The following MTCL1 variants were observed in gnomAD, a reference collection of about 807,000 sequenced individuals.
MTCL1 encodes microtubule cross-linking factor 1.
A neutral mutation model predicts 141.4 loss-of-function variants in MTCL1; 79 were observed. That is an observed-to-expected ratio of 0.56 (90% CI 0.47 to 0.67). MTCL1 has a LOEUF of 0.67. Among genes scored for constraint, MTCL1 ranks in the 30% least tolerant of loss-of-function variants. MTCL1 has a pLI of 0.00. For synonymous variants in MTCL1, 914 were observed against 875.8 expected, an observed-to-expected ratio of 1.04 and a Z score of -0.77; for missense variants, 2,177 against 2,113.9, an observed-to-expected ratio of 1.03 and a Z score of -0.59.
chr18:8,717,588 G>A (rs2096137220), intron 1 of MTCL1, among the ~76,000 whole-genome samples: 1 of 152,196 alleles, frequency 6.6e-6, no homozygotes, highest in South Asian at 2.1e-4. Flanking sequence ...GACTGTAGGA[G>A]GATTAGAGGG....
At chr18:8,820,408 C>CA (rs373662926) in intron 13 of MTCL1, among the ~76,000 whole-genome samples, 64 of 143,264 alleles carry the variant, frequency 4.5e-4, no homozygotes, top group Non-Finnish European at 4.8e-4. Flanking sequence ...AGACTCCATC[C>CA]AAAAAAAAAA....
chr18:8,783,408 G>T, intron 5 of MTCL1, 122 bp from the exon 5 acceptor site: 1 of 946,932 alleles, frequency 1.1e-6, no homozygotes, highest in South Asian at 1.8e-5. Context: ...CAGCGGCACC[G>T]ATGGGAAGAT....
intron 11 of MTCL1, among the ~76,000 whole-genome samples, chr18:8,808,265 G>A (rs1195166030): frequency 6.6e-6 from 1 of 152,150 alleles, no homozygotes; most frequent in Non-Finnish European, 1.5e-5. Context: ...AATGACTAAG[G>A]ACAGTCTCTG....
chr18:8,826,307 G>T, intron 15 of MTCL1, 75 bp downstream of exon 14: 1 of 1,319,292 alleles, frequency 7.6e-7, no homozygotes. Flanking sequence ...TGGGACTTGG[G>T]ATTGTGCTCT....
chr18:8,790,832 T>C (rs570000284), intron 7 of MTCL1, among the ~76,000 whole-genome samples: 131 of 152,180 alleles, frequency 8.6e-4, no homozygotes, highest in African/African-American at 3.1e-3. Flanking sequence ...CTGACCAACA[T>C]GGTGAAACCC....
intron 4 of MTCL1, among the ~76,000 whole-genome samples, chr18:8,727,704 A>G (rs2096224782): frequency 1.3e-5 from 2 of 152,216 alleles, no homozygotes; most frequent in South Asian, 4.1e-4. Flanking sequence ...TCTGAACAGA[A>G]TGTAGCTACA....
chr18:8,718,470 G>C, exon 3 of MTCL1: 1 of 1,614,224 alleles, frequency 6.2e-7, no homozygotes, highest in Non-Finnish European at 8.5e-7. Context: ...ATGAGAGACA[G>C]TTATTTAGAG....
exon 6 of MTCL1, chr18:8,784,786 C>G: frequency 1.2e-6 from 2 of 1,613,284 alleles, no homozygotes; most frequent in South Asian, 1.1e-5. Flanking sequence ...CTGTGACTTC[C>G]GTGTCCCGGG....
intron 1 of MTCL1, among the ~76,000 whole-genome samples, chr18:8,708,403 A>G (rs1202463826): frequency 6.6e-6 from 1 of 151,628 alleles, no homozygotes; most frequent in African/African-American, 2.4e-5. Flanking sequence ...GGAGTCTGAT[A>G]CAGTGTATTT....
At chr18:8,726,147 T>C (rs2096209377) in intron 4 of MTCL1, among the ~76,000 whole-genome samples, 1 of 152,122 alleles carries the variant, frequency 6.6e-6, no homozygotes, top group Non-Finnish European at 1.5e-5. Flanking sequence ...TGATGAGTTA[T>C]TCCCTTTATC....
At chr18:8,743,505 C>G (rs1598459140) in intron 4 of MTCL1, among the ~76,000 whole-genome samples, 1 of 152,356 alleles carries the variant, frequency 6.6e-6, no homozygotes, top group East Asian at 1.9e-4. Flanking sequence ...GTTCAGATGT[C>G]TGAAGTGGGC....
intron 4 of MTCL1, among the ~76,000 whole-genome samples, chr18:8,731,301 C>T (rs999297856): frequency 2.6e-5 from 4 of 151,622 alleles, no homozygotes; most frequent in Admixed American, 6.6e-5. Context: ...AGGCTGGGCA[C>T]GATGGTTCAT....
At chr18:8,740,868 T>C (rs1420938647) in intron 4 of MTCL1, among the ~76,000 whole-genome samples, 3 of 152,350 alleles carry the variant, frequency 2.0e-5, no homozygotes, top group South Asian at 2.1e-4. Flanking sequence ...GTATTCCTTG[T>C]GGAATCCACA....
chr18:8,753,835 C>G (rs2096383980), intron 4 of MTCL1, among the ~76,000 whole-genome samples: 1 of 151,864 alleles, frequency 6.6e-6, no homozygotes, highest in Non-Finnish European at 1.5e-5. Flanking sequence ...TGTAAGAGGC[C>G]CATGAAGACT....
At chr18:8,725,233 AAAG>A (rs1478181609) in intron 4 of MTCL1, among the ~76,000 whole-genome samples, 1 of 152,182 alleles carries the variant, frequency 6.6e-6, no homozygotes, top group East Asian at 1.9e-4. Flanking sequence ...AGGTTATTGA[AAAG>A]AGTCCGAGGG....
chr18:8,799,506 G>A (rs1370859429), intron 10 of MTCL1, among the ~76,000 whole-genome samples: 1 of 152,218 alleles, frequency 6.6e-6, no homozygotes, highest in Non-Finnish European at 1.5e-5. Context: ...CAGTGTCCAT[G>A]GGGAGAATTT....
chr18:8,763,412 T>C (rs113792110), intron 4 of MTCL1, among the ~76,000 whole-genome samples: 5,029 of 152,320 alleles, frequency 0.033, 129 homozygotes, highest in Non-Finnish European at 0.052. Context: ...TTTTTTCCAA[T>C]TGGATGCCAG....
At chr18:8,809,205 G>A (rs967858451) in intron 11 of MTCL1, among the ~76,000 whole-genome samples, 1 of 152,156 alleles carries the variant, frequency 6.6e-6, no homozygotes, top group Non-Finnish European at 1.5e-5. Context: ...AATGGATTAG[G>A]AGCCATTAGA....
chr18:8,792,891 G>C, intron 7 of MTCL1, 107 bp from the exon 7 acceptor site: 1 of 1,475,662 alleles, frequency 6.8e-7, no homozygotes, highest in Non-Finnish European at 9.2e-7. Context: ...CACACATGCT[G>C]TGTCGCTCCG....
Sources: allele counts gnomAD v4.1 joint callset (sites outside exome capture counted in the v4.1 genomes callset), GRCh38; gene constraint gnomAD v4.1.1; transcripts MANE v1.5; gene names NCBI Gene and HGNC (gene_info 2026-07-23, HGNC 2026-07-21).